Variants in TSPEAR observed in about 807,000 individuals in gnomAD.
TSPEAR encodes thrombospondin-type laminin G domain and EAR repeat-containing protein.
TSPEAR carries 69 observed loss-of-function variants against 71.6 expected under a neutral mutation model. The observed-to-expected ratio is 0.96, with a 90% CI of 0.79 to 1.18. The LOEUF (loss-of-function observed/expected upper bound fraction) is 1.18. Among genes scored for constraint, TSPEAR ranks in the 50% most tolerant of loss-of-function variants. The pLI, the probability that TSPEAR is intolerant of heterozygous loss-of-function variation, is 0.00. For synonymous variants in TSPEAR, 402 were observed against 387.2 expected, an observed-to-expected ratio of 1.04 and a Z score of -0.45; for missense variants, 971 against 894.9, an observed-to-expected ratio of 1.09 and a Z score of -1.09.
In TSPEAR at chr21:44,546,402, T is replaced by C. The variant is rs2053304769; in HGVS notation, c.304-12479A>G. ...CAGGCTGGAGTGCAGTGGTGCGATCTCTGCTCACTGCAAGCTCCGCCTCCC... is the reference window on the plus strand; with the variant it reads ...CAGGCTGGAGTGCAGTGGTGCGATCCCTGCTCACTGCAAGCTCCGCCTCCC... On this transcript the variant is annotated intron_variant, in intron 2 of 11. Transcript: ENST00000323084. This position sits in a 1 kb window ranked among gnomAD's most constrained non-coding sequence, Gnocchi z 4.4. Among the ~76,000 whole-genome samples the C allele has an allele frequency of 6.6e-6, 1 of 152,242 alleles. No homozygotes were observed. Among genetic ancestry groups the C allele is most frequent in the Non-Finnish European group, 1.5e-5 (1 of 68,040 alleles).
In TSPEAR at chr21:44,558,757, G is replaced by A. The variant is rs782156392; in HGVS notation, c.303+9028C>T. On this transcript the variant is annotated intron_variant, in intron 2 of 11. Transcript: ENST00000323084. ...GGTGAGCTGGGGGAGACGTGAGTGA[G>A]TGAGTGTGGGAGTGAGTGAGGGAGT... The A allele has an allele frequency of 5.7e-6, 9 of 1,568,742 alleles. No individual in the cohort carries two copies. In the East Asian group the frequency reaches 1.8e-4, roughly 31 times the overall value.
At chr21:44,514,674 T>C (rs1392853110) in intron 9 of TSPEAR, among the ~76,000 whole-genome samples, 1 of 152,216 alleles carries the variant, frequency 6.6e-6, no homozygotes, top group Non-Finnish European at 1.5e-5. Flanking sequence ...AGCAGGACCC[T>C]GTGCCTAGAC....
intron 1 of TSPEAR, among the ~76,000 whole-genome samples, chr21:44,692,535 CAA>C (rs1444685462): frequency 6.6e-6 from 1 of 152,006 alleles, no homozygotes; most frequent in Non-Finnish European, 1.5e-5. Flanking sequence ...GATCAACATA[CAA>C]AAATCATGCA....
intron 1 of TSPEAR, among the ~76,000 whole-genome samples, chr21:44,577,824 A>G (rs192486519): frequency 1.3e-5 from 2 of 152,358 alleles, no homozygotes; most frequent in African/African-American, 4.8e-5. Flanking sequence ...AAGAGAACAA[A>G]TAAATTACCA....
chr21:44,591,669 C>T, intron 1 of TSPEAR: 2 of 1,585,976 alleles, frequency 1.3e-6, no homozygotes, highest in Non-Finnish European at 1.7e-6. Context: ...AGCAGACGGG[C>T]ACACAGCAGG....
At chr21:44,684,990 G>C (rs2329894) in intron 1 of TSPEAR, among the ~76,000 whole-genome samples, 1 of 152,016 alleles carries the variant, frequency 6.6e-6, no homozygotes. Flanking sequence ...TTGTGGCCTC[G>C]CCCGGCTTGT....
chr21:44,510,795 C>T (rs2052348018), intron 9 of TSPEAR: 1 of 152,338 alleles, frequency 6.6e-6, no homozygotes, highest in African/African-American at 2.4e-5. Flanking sequence ...GAGGAGCGCA[C>T]ATGGGTGAGC....
chr21:44,517,705 G>A (rs1356640314), intron 9 of TSPEAR: 2 of 466,994 alleles, frequency 4.3e-6, no homozygotes, highest in East Asian at 1.4e-4. Context: ...CATGGCAGTG[G>A]CCAGCGTCCT....
chr21:44,536,715 G>A (rs1407281840), intron 2 of TSPEAR, among the ~76,000 whole-genome samples: 4 of 152,134 alleles, frequency 2.6e-5, no homozygotes, highest in Non-Finnish European at 5.9e-5. Context: ...AGAAATGGGA[G>A]TTTTAAAGAT....
intron 1 of TSPEAR, among the ~76,000 whole-genome samples, chr21:44,689,486 A>G: frequency 6.6e-6 from 1 of 150,818 alleles, no homozygotes; most frequent in Admixed American, 6.6e-5. Context: ...TGGGCGACAG[A>G]GCGAGACTCC....
At chr21:44,670,043 T>C (rs1985981549) in intron 1 of TSPEAR, among the ~76,000 whole-genome samples, 2 of 152,260 alleles carry the variant, frequency 1.3e-5, no homozygotes, top group South Asian at 4.1e-4. Flanking sequence ...AGAAGATTAC[T>C]CAGAATAATT....
intron 1 of TSPEAR, among the ~76,000 whole-genome samples, chr21:44,661,560 C>T (rs1333063655): frequency 4.6e-5 from 7 of 152,162 alleles, no homozygotes; most frequent in African/African-American, 1.7e-4. Flanking sequence ...GCTATTATCG[C>T]CTTGCTATAA....
chr21:44,532,651 A>C (rs1555915882), intron 3 of TSPEAR, among the ~76,000 whole-genome samples: 1 of 152,254 alleles, frequency 6.6e-6, no homozygotes. Flanking sequence ...TAATAGATTT[A>C]ATATAAACTG....
chr21:44,604,056 A>G (rs114006220), intron 1 of TSPEAR, among the ~76,000 whole-genome samples: 159 of 152,252 alleles, frequency 1.0e-3, no homozygotes, highest in African/African-American at 3.7e-3. Flanking sequence ...ATGAGTTTCT[A>G]TTGGTTAAAC....
At chr21:44,512,616 C>T (rs1238779368) in intron 9 of TSPEAR, among the ~76,000 whole-genome samples, 4 of 152,146 alleles carry the variant, frequency 2.6e-5, no homozygotes, top group African/African-American at 4.8e-5. Flanking sequence ...GTTGGGAATG[C>T]GCGAGACGGG....
Position 44,574,886 on chromosome 21 carries a change from C to T in TSPEAR, c.83-6881G>A, listed in dbSNP as rs115169164. The T allele has an allele frequency of 3.4e-3, 5,505 of 1,613,804 alleles. 145 individuals carry two copies. In the African/African-American group the frequency reaches 0.063, roughly 18 times the overall value. On this transcript the variant is annotated intron_variant, in intron 1 of 11. Coordinates refer to ENST00000323084, the MANE Select transcript of TSPEAR (RefSeq NM_144991.3). The stretch of plus-strand genomic sequence containing the variant: ...TGTGCAGGCCCGCCTGCTGCGTGCC[C>T]GTCCCTTCCTGCTGTGCTCCCACCT...
intron 1 of TSPEAR, among the ~76,000 whole-genome samples, chr21:44,590,311 G>A (rs1483677281): frequency 1.3e-5 from 2 of 152,164 alleles, no homozygotes; most frequent in East Asian, 3.9e-4. Flanking sequence ...CCAGAGCGGA[G>A]GGTGGCAGAC....
In TSPEAR at chr21:44,525,801, C is replaced by T. The variant is rs782130994; in HGVS notation, c.1188G>A (p.Lys396=). The T allele has an allele frequency of 6.2e-7, 1 of 1,614,108 alleles. No individual in the cohort carries two copies. Among genetic ancestry groups the T allele is most frequent in the South Asian group, 1.1e-5 (1 of 91,078 alleles). Residue 396 remains lysine (K), a synonymous_variant, in exon 8 of 12, where the codon AAG becomes AAA. Transcript: ENST00000323084. ...TGTAAATGACAGAGAACTCCTGACC[C>T]TTCTCATCTGGTTCAAAATTAGCCA... ...LAVANFEPDE[K]GQEFSVIYKW... is the part of the protein sequence containing the mutation.
chr21:44,525,628 G>C (rs11910294), intron 8 of TSPEAR, 25 bp downstream of exon 8: 1 of 1,609,764 alleles, frequency 6.2e-7, no homozygotes, highest in Non-Finnish European at 8.5e-7. Context: ...GTTGCCTCCC[G>C]GTGTGAAGGC....
Sources: allele counts gnomAD v4.1 joint callset (sites outside exome capture counted in the v4.1 genomes callset), GRCh38; gene constraint gnomAD v4.1.1; non-coding constraint Gnocchi (gnomAD v3.1); transcripts MANE v1.5; gene names NCBI Gene and HGNC (gene_info 2026-07-23, HGNC 2026-07-21).